Variants in INO80 observed in about 807,000 individuals in gnomAD.
The protein encoded by INO80 is INO80 complex ATPase subunit, also known as chromatin-remodeling ATPase INO80.
INO80 carries 20 observed loss-of-function variants against 203.4 expected under a neutral mutation model. The ratio of observed to expected loss-of-function variants is 0.10; its 90% confidence interval spans 0.07 to 0.14. The LOEUF (loss-of-function observed/expected upper bound fraction) is 0.14. Among genes scored for constraint, INO80 ranks in the 10% least tolerant of loss-of-function variants. The pLI is 1.00. For missense variants in INO80, 1,419 were observed against 1,914.4 expected (o/e 0.74, Z 4.83); for synonymous variants, 726 against 685.2 (o/e 1.06, Z -0.93).
At chr15:41,094,129 G>A (rs2045684671) in intron 4 of INO80, among the ~76,000 whole-genome samples, 1 of 152,122 alleles carries the variant, frequency 6.6e-6, no homozygotes, top group Non-Finnish European at 1.5e-5. Flanking sequence ...AATTCAGTTT[G>A]GCCACTGACA....
intron 21 of INO80, among the ~76,000 whole-genome samples, chr15:41,048,587 C>G (rs1479905311): frequency 6.6e-6 from 1 of 152,148 alleles, no homozygotes; most frequent in Non-Finnish European, 1.5e-5. Flanking sequence ...CCTGTTCCTC[C>G]CAGCTCAAGT....
intron 4 of INO80, among the ~76,000 whole-genome samples, chr15:41,092,939 G>T (rs952729935): frequency 3.3e-5 from 5 of 152,126 alleles, no homozygotes; most frequent in African/African-American, 1.2e-4. Flanking sequence ...GGAGACAGAG[G>T]AGGAAGGATT....
At chr15:41,087,766 GA>G in intron 5 of INO80, 84 bp from the exon 6 acceptor site, 1 of 1,367,976 alleles carries the variant, frequency 7.3e-7, no homozygotes, top group South Asian at 1.4e-5. Flanking sequence ...TAAGCCAGAG[GA>G]AATCATAGCT....
Position 41,009,484 on chromosome 15 carries a change from T to C in INO80, c.3403-3797A>G, listed in dbSNP as rs2044102036. Among the ~76,000 whole-genome samples the C allele has an allele frequency of 6.0e-5, 9 of 150,288 alleles. 1 individual carries two copies. The South Asian group carries it at 1.9e-3, about 32-fold the overall frequency. On this transcript the variant is annotated intron_variant, in intron 27 of 35. Transcript: ENST00000648947. The stretch of plus-strand genomic sequence containing the variant: ...ACCTATGAGTGAGAATATGCAGTGT[T>C]TGGTTTTTTGTTCTTGCGATAGTTT...
In INO80 at chr15:41,039,346, A is replaced by G. The variant is rs28458829; in HGVS notation, c.2907+5558T>C. Among the ~76,000 whole-genome samples, 1,495 of 152,294 alleles carry G rather than the reference A, an allele frequency of 9.8e-3. 29 individuals carry two copies. The highest frequency in any genetic ancestry group is 0.035 in the African/African-American group (1,450 of 41,548). On this transcript the variant is annotated intron_variant, in intron 24 of 35. Transcript: ENST00000648947. Reference sequence around the variant, plus strand: ...TCCCATCTGAACTCTACCATTCATTATCTACCATTACTCAGGCAGTTAATT... The same window carrying G: ...TCCCATCTGAACTCTACCATTCATTGTCTACCATTACTCAGGCAGTTAATT...
In INO80 at chr15:40,979,904, G is replaced by A. The variant is rs1893752993; in HGVS notation, c.*319C>T. ...GAAGAGTGGAATCGGGATGGAAACA[G>A]TATGCCTGAGCATCTAAAGGGGGTC... On this transcript the variant is annotated 3_prime_UTR_variant, in exon 36 of 36. Transcript: ENST00000648947. 5.3e-6 allele frequency: 2 copies of A among 379,446 alleles called. No homozygotes were observed. Among genetic ancestry groups the A allele is most frequent in the Non-Finnish European group, 5.0e-6 (1 of 201,898 alleles). 23.5% of individuals were successfully genotyped at this position (379,446 alleles called of 1,614,324 possible).
chr15:41,069,327 C>T (rs1052175774), intron 14 of INO80, among the ~76,000 whole-genome samples: 1 of 151,836 alleles, frequency 6.6e-6, no homozygotes, highest in African/African-American at 2.4e-5. Context: ...GCACCATGCC[C>T]GGCTAATTTT....
intron 25 of INO80, among the ~76,000 whole-genome samples, chr15:41,025,334 C>T (rs1342667253): frequency 6.6e-6 from 1 of 152,086 alleles, no homozygotes; most frequent in Non-Finnish European, 1.5e-5. Context: ...ATTTGGGGAG[C>T]TCCAAGTGGT....
intron 28 of INO80, chr15:40,999,424 C>T (rs976108998): frequency 1.3e-5 from 2 of 152,176 alleles, no homozygotes; most frequent in African/African-American, 4.8e-5. Context: ...AAATAAACAT[C>T]CTGGTTAATC....
At chr15:40,991,370 C>G (rs1282897783) in intron 29 of INO80, among the ~76,000 whole-genome samples, 1 of 152,048 alleles carries the variant, frequency 6.6e-6, no homozygotes, top group Non-Finnish European at 1.5e-5. Flanking sequence ...AAAACCAAGG[C>G]AGATGTATGG....
At chr15:41,069,390 T>G in intron 14 of INO80, 180 bp downstream of exon 14, 1 of 464,894 alleles carries the variant, frequency 2.2e-6, no homozygotes, top group Non-Finnish European at 3.8e-6. Flanking sequence ...CAGGATGATC[T>G]CGACTTCCTG....
chr15:41,092,293 C>CA (rs1214703230), intron 4 of INO80, 111 bp from the exon 5 acceptor site: 1 of 711,730 alleles, frequency 1.4e-6, no homozygotes, highest in African/African-American at 1.8e-5. Flanking sequence ...GAAAGATAGT[C>CA]ACTCCAGTTC....
intron 24 of INO80, among the ~76,000 whole-genome samples, chr15:41,038,011 CTTTTTTTT>C (rs748525965): frequency 1.1e-5 from 1 of 89,794 alleles, no homozygotes; most frequent in African/African-American, 4.4e-5. Context: ...CTTCCCTTTT[CTTTTTTTT>C]TTTTTTTTTT....
intron 24 of INO80, among the ~76,000 whole-genome samples, chr15:41,036,424 A>G (rs2140501045): frequency 6.6e-6 from 1 of 152,234 alleles, no homozygotes; most frequent in Non-Finnish European, 1.5e-5. Flanking sequence ...TAGTTCTCAG[A>G]TCAAATGCAG....
At chr15:41,104,984 G>C (rs1026702681) in intron 1 of INO80, among the ~76,000 whole-genome samples, 1 of 152,152 alleles carries the variant, frequency 6.6e-6, no homozygotes, top group African/African-American at 2.4e-5. Context: ...AAGTTATGTA[G>C]AACTGTGCTC....
At chr15:40,990,383 CAG>C (rs1386636377) in intron 29 of INO80, among the ~76,000 whole-genome samples, 1 of 152,112 alleles carries the variant, frequency 6.6e-6, no homozygotes, top group Non-Finnish European at 1.5e-5. Flanking sequence ...TTTTCTGAGA[CAG>C]GGTCTTGCTC....
chr15:40,987,997 T>C, intron 29 of INO80, 23 bp from the exon 30 acceptor site: 2 of 1,594,418 alleles, frequency 1.3e-6, no homozygotes, highest in Non-Finnish European at 1.7e-6. Context: ...TAGCAAAAAC[T>C]GAAGCACTCT....
At chr15:41,034,045 G>C (rs893159555) in intron 24 of INO80, among the ~76,000 whole-genome samples, 1 of 152,150 alleles carries the variant, frequency 6.6e-6, no homozygotes, top group Non-Finnish European at 1.5e-5. Context: ...CTTGGTGACA[G>C]AGCGAGACTC....
intron 18 of INO80, 138 bp downstream of exon 18, chr15:41,055,109 G>T: frequency 2.2e-6 from 1 of 464,578 alleles, no homozygotes; most frequent in Non-Finnish European, 3.9e-6. Context: ...TATTTTATAA[G>T]CAAAAAATGT....
Sources: allele counts gnomAD v4.1 joint callset (sites outside exome capture counted in the v4.1 genomes callset), GRCh38; gene constraint gnomAD v4.1.1; transcripts MANE v1.5; gene names NCBI Gene and HGNC (gene_info 2026-07-23, HGNC 2026-07-21).